The following KALRN variants were observed in gnomAD, a reference collection of about 807,000 sequenced individuals.
The protein encoded by KALRN is kalirin.
Under a neutral mutation model 353.7 loss-of-function variants are expected in KALRN, and 70 were observed. The observed-to-expected ratio is 0.20, with a 90% CI of 0.16 to 0.24. KALRN has a LOEUF of 0.24. KALRN is among the 10% of genes least tolerant of loss of function. KALRN has a pLI of 1.00. For synonymous variants in KALRN, 1,391 were observed against 1,434.8 expected (o/e 0.97, Z 0.69); for missense variants, 2,791 against 3,756.7 (o/e 0.74, Z 6.72).
intron 24 of KALRN, among the ~76,000 whole-genome samples, chr3:124,462,308 A>G (rs2059929984): frequency 2.0e-5 from 3 of 152,226 alleles, no homozygotes; most frequent in South Asian, 2.1e-4. Flanking sequence ...ATAAATGACA[A>G]GAGACTGTGG....
intron 1 of KALRN, among the ~76,000 whole-genome samples, chr3:124,145,007 A>G (rs1172097197): frequency 1.3e-5 from 2 of 152,080 alleles, no homozygotes; most frequent in African/African-American, 2.4e-5. Flanking sequence ...GAAAAAGGTG[A>G]GGGTGGACTA....
rs151155958 is a variant in KALRN at position 124,566,589 on chromosome 3, C to A, written c.5182+3500C>A. Among the ~76,000 whole-genome samples, 5 of 152,154 alleles carry A rather than the reference C, an allele frequency of 3.3e-5. No homozygotes were observed. The East Asian group carries it at 9.7e-4, about 29-fold the overall frequency. On this transcript the variant is annotated intron_variant, in intron 34 of 59. Coordinates refer to ENST00000682506, the MANE Select transcript of KALRN (RefSeq NM_001388419.1). ...ACTAGACCCCATTTGAAAGTGTGTG[C>A]AGTTATGCACATAGCCCAGCCTCAA...
intron 16 of KALRN, 110 bp downstream of exon 16, chr3:124,430,885 C>G (rs974956984): frequency 7.6e-7 from 1 of 1,323,842 alleles, no homozygotes; most frequent in African/African-American, 1.5e-5. Flanking sequence ...GGCTGTACCC[C>G]TTCTAGTAGA....
At chr3:124,095,881 T>C (rs2061414489) in intron 1 of KALRN, 3 of 152,100 alleles carry the variant, frequency 2.0e-5, no homozygotes, top group Admixed American at 2.0e-4. Context: ...GCCCAAGGTG[T>C]ATTCATCTCT....
intron 33 of KALRN, among the ~76,000 whole-genome samples, chr3:124,557,553 CG>C (rs1230759121): frequency 6.6e-6 from 1 of 152,134 alleles, no homozygotes; most frequent in Non-Finnish European, 1.5e-5. Flanking sequence ...CAGGACTTCA[CG>C]GTGCCCTTGA....
At chr3:124,186,130 A>G (rs762258366) in intron 1 of KALRN, among the ~76,000 whole-genome samples, 1 of 152,188 alleles carries the variant, frequency 6.6e-6, no homozygotes, top group Non-Finnish European at 1.5e-5. Flanking sequence ...GAGTATCTTC[A>G]TAAGACCTTG....
At chr3:124,462,782 C>G (rs952210219) in intron 25 of KALRN, 149 bp downstream of exon 25, 6 of 581,572 alleles carry the variant, frequency 1.0e-5, no homozygotes, top group Non-Finnish European at 1.8e-5. Context: ...TTACTCACTC[C>G]CCTTTCTCCA....
chr3:124,193,666 C>G (rs1445283088), intron 1 of KALRN, among the ~76,000 whole-genome samples: 1 of 151,948 alleles, frequency 6.6e-6, no homozygotes, highest in Non-Finnish European at 1.5e-5. Flanking sequence ...AGACACAAAA[C>G]TAAATGAAAA....
chr3:124,219,350 C>A (rs1038444718), intron 1 of KALRN, among the ~76,000 whole-genome samples: 2 of 152,104 alleles, frequency 1.3e-5, no homozygotes, highest in Non-Finnish European at 2.9e-5. Flanking sequence ...GGGCAGGCAC[C>A]CTAAGGAAGC....
chr3:124,151,899 A>G (rs1392019465), intron 1 of KALRN: 3 of 617,384 alleles, frequency 4.9e-6, no homozygotes, highest in Admixed American at 2.8e-5. Flanking sequence ...TTTGTATTCA[A>G]TTTGAGAGCA....
intron 19 of KALRN, among the ~76,000 whole-genome samples, chr3:124,445,719 C>T (rs1221894189): frequency 2.0e-5 from 3 of 152,170 alleles, no homozygotes; most frequent in Non-Finnish European, 4.4e-5. Context: ...TGATACCAGC[C>T]CTCATTCCAC....
At chr3:124,484,210 C>A (rs1306159321) in intron 28 of KALRN, among the ~76,000 whole-genome samples, 2 of 152,218 alleles carry the variant, frequency 1.3e-5, no homozygotes, top group Non-Finnish European at 2.9e-5. Context: ...TCCACCATTC[C>A]CAGCCCATGG....
At chr3:124,411,433 CTTTT>C (rs61485429) in intron 13 of KALRN, among the ~76,000 whole-genome samples, 1,996 of 51,478 alleles carry the variant, frequency 0.039, 45 homozygotes, top group South Asian at 0.092. Context: ...TTAAATTATG[CTTTT>C]TTTTTTTTTT....
chr3:124,594,104 A>C (rs902511240), intron 34 of KALRN, among the ~76,000 whole-genome samples: 1 of 152,220 alleles, frequency 6.6e-6, no homozygotes, highest in Non-Finnish European at 1.5e-5. Context: ...ACCACTACCT[A>C]ATCACTTACT....
Position 124,562,856 on chromosome 3 carries a change from G to A in KALRN, c.4949G>A (p.Cys1650Tyr), listed in dbSNP as rs761264541. The A allele has an allele frequency of 3.7e-6, 5 of 1,365,498 alleles. No individual in the cohort carries two copies. The South Asian group carries it at 5.7e-5, about 16-fold the overall frequency. 84.6% of individuals were successfully genotyped at this position (1,365,498 alleles called of 1,614,324 possible). The part of the protein sequence containing the change: ...TVDSDKLSGG[C>Y]ELTVVLQDFS... Reference sequence around the variant, plus strand: ...CACCCTCCAAAGCTCTCTGGTGGATGTGAGCTGACAGTGGTCCTCCAGGAC... The same window carrying A: ...CACCCTCCAAAGCTCTCTGGTGGATATGAGCTGACAGTGGTCCTCCAGGAC... The change falls in exon 34 of 60, where the codon TGT becomes TAT. Residue 1650 changes from cysteine to tyrosine, a missense_variant. Physicochemically the swap from Cys to Tyr is radical, Grantham distance 194. This residue lies in a region of KALRN where 239 missense variants were observed against 351.3 expected (regional missense o/e 0.68). Transcript: ENST00000682506.
intron 34 of KALRN, among the ~76,000 whole-genome samples, chr3:124,590,767 G>A (rs541635020): frequency 1.3e-5 from 2 of 152,194 alleles, no homozygotes; most frequent in East Asian, 3.9e-4. Context: ...AAAGGCTGAG[G>A]TCTGAAACCT....
At chr3:124,451,650 A>G (rs1233368813) in intron 21 of KALRN, among the ~76,000 whole-genome samples, 1 of 152,216 alleles carries the variant, frequency 6.6e-6, no homozygotes, top group East Asian at 1.9e-4. Flanking sequence ...GGAAATAAAG[A>G]AGATAGAAGC....
intron 29 of KALRN, among the ~76,000 whole-genome samples, chr3:124,489,929 C>A (rs1414832280): frequency 1.3e-5 from 2 of 152,154 alleles, no homozygotes; most frequent in African/African-American, 4.8e-5. Flanking sequence ...CTGTTGAAGG[C>A]TTGTGCAAAG....
intron 25 of KALRN, among the ~76,000 whole-genome samples, chr3:124,466,992 G>T (rs1277425923): frequency 2.0e-5 from 3 of 152,196 alleles, no homozygotes; most frequent in East Asian, 3.8e-4. Flanking sequence ...TTTCAGCAAG[G>T]TCTAGATTTT....
Sources: gnomAD v4.1 joint callset for allele counts (sites outside exome capture counted in the v4.1 genomes callset) on GRCh38, gnomAD v4.1.1 for gene constraint, gnomAD v4.1.1 regional missense constraint, MANE v1.5 for transcripts, NCBI Gene and HGNC (gene_info 2026-07-23, HGNC 2026-07-21) for gene names.